Variants in SEMA5B observed in about 807,000 individuals in gnomAD.
The protein encoded by SEMA5B is semaphorin-5B.
SEMA5B carries 66 observed loss-of-function variants against 135.0 expected under a neutral mutation model. The ratio of observed to expected loss-of-function variants is 0.49; its 90% CI spans 0.40 to 0.60. SEMA5B has a LOEUF of 0.60. SEMA5B is among the 20% of genes least tolerant of loss of function. The pLI is 0.00. For missense variants in SEMA5B, 1,501 were observed against 1,566.3 expected (o/e 0.96, Z 0.70); for synonymous variants, 690 against 639.5 (o/e 1.08, Z -1.19).
intron 1 of SEMA5B, among the ~76,000 whole-genome samples, chr3:122,976,508 G>A (rs1328315689): frequency 1.3e-5 from 2 of 152,028 alleles, no homozygotes; most frequent in Non-Finnish European, 2.9e-5. Context: ...TCTGGGGTTG[G>A]GCCTGTGCAT....
rs1295989858 is a variant in SEMA5B at position 122,913,243 on chromosome 3, G to C, written c.2462C>G (p.Thr821Arg). 3 of 1,586,272 alleles carry C rather than the reference G, an allele frequency of 1.9e-6. No individual in the cohort carries two copies. Among genetic ancestry groups the C allele is most frequent in the East Asian group, 2.3e-5 (1 of 44,152 alleles). The change falls in exon 17 of 23, where the codon ACG (threonine) becomes AGG (arginine). Residue 821 changes from threonine (T) to arginine (R), a missense_variant. Transcript: ENST00000357599. ...GLQFGRRRTE[T>R]RTCPADGSGS... ...GGAGCCGTCCGCGGGACAGGTCCTC[G>C]TCTCGGTCCTTCTCCTGCCGAACTG...
Position 122,914,006 on chromosome 3 carries a change from C to T in SEMA5B, c.1989-5G>A, listed in dbSNP as rs1186435354. 8 of 1,577,164 alleles carry T rather than the reference C, an allele frequency of 5.1e-6. No homozygotes were observed. The highest frequency in any genetic ancestry group is 6.9e-6 in the Non-Finnish European group (8 of 1,160,092). On this transcript the variant is annotated splice_region_variant and splice_polypyrimidine_tract_variant and intron_variant, in intron 14 of 22. Transcript: ENST00000357599. ...CACGGGGTCCACGCCCCATTCCTGG[C>T]GGGGTGGGAGGGGACAGAGACAGAT...
chr3:122,985,135 A>G (rs984927338), intron 1 of SEMA5B, among the ~76,000 whole-genome samples: 4 of 152,206 alleles, frequency 2.6e-5, no homozygotes, highest in East Asian at 1.9e-4. Flanking sequence ...AGAAAAATCA[A>G]TTGTTCCTGA....
chr3:122,975,315 G>A (rs1456069551), intron 1 of SEMA5B: 2 of 152,660 alleles, frequency 1.3e-5, no homozygotes, highest in African/African-American at 4.8e-5. Flanking sequence ...CTGCGCCTCA[G>A]CCTTGGCAGA....
chr3:123,009,182 T>C (rs1407215154), intron 1 of SEMA5B, among the ~76,000 whole-genome samples: 10 of 152,106 alleles, frequency 6.6e-5, no homozygotes, highest in Admixed American at 6.5e-4. Context: ...CTCAGACTCC[T>C]ATCAATGCAC....
chr3:122,944,065 A>G (rs1202421574), intron 3 of SEMA5B, among the ~76,000 whole-genome samples: 1 of 152,138 alleles, frequency 6.6e-6, no homozygotes, highest in African/African-American at 2.4e-5. Flanking sequence ...CCAGCCCAGA[A>G]CCCATCCATA....
chr3:123,017,773 T>C (rs1293105444), intron 1 of SEMA5B, among the ~76,000 whole-genome samples: 2 of 152,022 alleles, frequency 1.3e-5, no homozygotes, highest in Non-Finnish European at 2.9e-5. Flanking sequence ...CCAGATGCAG[T>C]GGCGGGTGCC....
chr3:122,923,568 G>A lies in SEMA5B; in HGVS notation c.1272+49C>T, dbSNP rs2276779. 3.1e-6 allele frequency: 5 copies of A among 1,606,868 alleles called. No homozygotes were observed. In the South Asian group the frequency reaches 4.4e-5, roughly 14 times the overall value. On this transcript the variant is annotated intron_variant, in intron 10 of 22. Coordinates refer to ENST00000357599, the MANE Select transcript of SEMA5B (RefSeq NM_001031702.4). Reference sequence around the variant, plus strand: ...GGAATCAGCTTGTGGCTGGTAATCTGGGGGTAAGGCAGTGTGTGAAGACAG... The same window carrying A: ...GGAATCAGCTTGTGGCTGGTAATCTAGGGGTAAGGCAGTGTGTGAAGACAG...
intron 5 of SEMA5B, 128 bp downstream of exon 5, chr3:122,939,297 G>T (rs1033624858): frequency 1.3e-6 from 1 of 744,472 alleles, no homozygotes; most frequent in Admixed American, 2.1e-5. Flanking sequence ...CATGGCCAGT[G>T]AAAAGAACAA....
At chr3:122,959,824 G>C (rs976293277) in intron 2 of SEMA5B, among the ~76,000 whole-genome samples, 1 of 152,148 alleles carries the variant, frequency 6.6e-6, no homozygotes, top group Non-Finnish European at 1.5e-5. Context: ...GGTGGTGGTG[G>C]TTTCACTAAG....
At chr3:122,923,472 C>T (rs996304293) in intron 10 of SEMA5B, 145 bp downstream of exon 10, 3 of 877,294 alleles carry the variant, frequency 3.4e-6, no homozygotes, top group Non-Finnish European at 5.4e-6. Context: ...CCTCAGGGAA[C>T]CATTGTGGAC....
chr3:122,938,301 G>C (rs531523899), intron 5 of SEMA5B, among the ~76,000 whole-genome samples: 27 of 152,286 alleles, frequency 1.8e-4, no homozygotes, highest in Admixed American at 1.6e-3. Flanking sequence ...GGCTAGTAAA[G>C]GTATGGATAG....
chr3:122,928,098 T>C, intron 7 of SEMA5B, 95 bp from the exon 8 acceptor site: 1 of 792,606 alleles, frequency 1.3e-6, no homozygotes. Flanking sequence ...TGCCCCAGTC[T>C]CTCTGGGCCT....
chr3:122,951,946 T>C (rs1940066654), intron 2 of SEMA5B, among the ~76,000 whole-genome samples: 1 of 152,204 alleles, frequency 6.6e-6, no homozygotes, highest in African/African-American at 2.4e-5. Context: ...TGAAATGGAA[T>C]AATACCCATC....
chr3:122,987,623 A>C (rs1941743762), intron 1 of SEMA5B, among the ~76,000 whole-genome samples: 1 of 152,172 alleles, frequency 6.6e-6, no homozygotes, highest in Non-Finnish European at 1.5e-5. Flanking sequence ...AGGAGTGTTT[A>C]TGCTGCTGGG....
chr3:122,987,596 A>G (rs1941742877), intron 1 of SEMA5B, among the ~76,000 whole-genome samples: 1 of 152,204 alleles, frequency 6.6e-6, no homozygotes, highest in African/African-American at 2.4e-5. Context: ...CACTCTCCCC[A>G]GAGGCTCGGA....
At chr3:123,022,619 CCTT>C (rs1942712172) in intron 1 of SEMA5B, among the ~76,000 whole-genome samples, 1 of 152,236 alleles carries the variant, frequency 6.6e-6, no homozygotes, top group Non-Finnish European at 1.5e-5. Flanking sequence ...AGAGGTCCCT[CCTT>C]CTGCTTTCTC....
rs183401039 is a variant in SEMA5B at position 122,913,401 on chromosome 3, C to G, written c.2304G>C (p.Glu768Asp). The change falls in exon 17 of 23, where the codon GAG becomes GAC. Residue 768 changes from glutamate (E) to aspartate (D), a missense_variant. Coordinates refer to ENST00000357599, the MANE Select transcript of SEMA5B (RefSeq NM_001031702.4). ...TGTTGCGCCGCACTTCGGGGCAGCC[C>G]TCGGGGTTGCACGTCTTGAACTCCT... is the stretch of plus-strand genomic sequence containing the variant. ...CGVEFKTCNP[E>D]GCPEVRRNTP... The G allele has an allele frequency of 1.2e-3, 1,896 of 1,575,544 alleles. 21 individuals carry two copies. In the African/African-American group the frequency reaches 0.023, roughly 19 times the overall value.
intron 9 of SEMA5B, 96 bp downstream of exon 9, chr3:122,926,296 C>T (rs1048014644): frequency 1.2e-5 from 14 of 1,214,830 alleles, no homozygotes; most frequent in African/African-American, 9.0e-5. Flanking sequence ...GCAGGAGGCA[C>T]GGCAGTCCCC....
Sources: allele counts gnomAD v4.1 joint callset (sites outside exome capture counted in the v4.1 genomes callset), GRCh38; gene constraint gnomAD v4.1.1; transcripts MANE v1.5; gene names NCBI Gene and HGNC (gene_info 2026-07-23, HGNC 2026-07-21).